TENM4: variants seen among roughly 807,000 people sequenced by gnomAD.
TENM4 encodes the protein teneurin-4.
Under a neutral mutation model 243.3 loss-of-function variants are expected in TENM4, and 82 were observed. That is an observed-to-expected ratio of 0.34 (90% CI 0.28 to 0.40). TENM4 has a LOEUF of 0.40. Ranked by LOEUF, TENM4 falls within the 10% of genes least tolerant of loss-of-function variation. TENM4 has a pLI of 1.00. For missense variants in TENM4, 3,138 were observed against 3,673.3 expected (o/e 0.85, Z 3.77); for synonymous variants, 1,412 against 1,456.3 (o/e 0.97, Z 0.69).
intron 4 of TENM4, among the ~76,000 whole-genome samples, chr11:79,078,157 C>T (rs1430620209): frequency 4.6e-5 from 7 of 152,172 alleles, no homozygotes; most frequent in Non-Finnish European, 8.8e-5. Context: ...CTGTTATCAC[C>T]CCGGGTTACC....
At chr11:79,210,975 C>A (rs759028956) in intron 3 of TENM4, among the ~76,000 whole-genome samples, 1 of 152,130 alleles carries the variant, frequency 6.6e-6, no homozygotes, top group Non-Finnish European at 1.5e-5. Context: ...AAAGCCCCAC[C>A]TCCTTGGCCT....
intron 4 of TENM4, among the ~76,000 whole-genome samples, chr11:79,114,140 C>T (rs1411461557): frequency 6.6e-6 from 1 of 152,178 alleles, no homozygotes; most frequent in African/African-American, 2.4e-5. Context: ...ACTCTATGAG[C>T]TCGTGTTCAG....
At chr11:78,754,783 T>C (rs1856267521) in intron 19 of TENM4, among the ~76,000 whole-genome samples, 1 of 152,180 alleles carries the variant, frequency 6.6e-6, no homozygotes, top group Non-Finnish European at 1.5e-5. Flanking sequence ...GCCTTGTGAA[T>C]TTGGGAAAGT....
chr11:79,083,816 A>G (rs1860738301), intron 4 of TENM4, among the ~76,000 whole-genome samples: 1 of 152,202 alleles, frequency 6.6e-6, no homozygotes, highest in South Asian at 2.1e-4. Flanking sequence ...TGATCAAAAA[A>G]GGAAAATTTG....
intron 6 of TENM4, among the ~76,000 whole-genome samples, chr11:78,905,313 T>C (rs1856038092): frequency 1.3e-5 from 2 of 152,330 alleles, no homozygotes; most frequent in South Asian, 2.1e-4. Context: ...TGGATTTTTT[T>C]AGTGTAAGAT....
At chr11:79,330,853 G>A (rs115662132) in intron 1 of TENM4, among the ~76,000 whole-genome samples, 11 of 152,292 alleles carry the variant, frequency 7.2e-5, no homozygotes, top group African/African-American at 2.6e-4. Context: ...TGGGGCCACC[G>A]CAGACAAGGC....
chr11:78,870,987 T>G (rs894022250), intron 9 of TENM4, among the ~76,000 whole-genome samples: 1 of 152,212 alleles, frequency 6.6e-6, no homozygotes, highest in Non-Finnish European at 1.5e-5. Flanking sequence ...CTCTTCCGTA[T>G]ATAACTAATT....
At chr11:78,800,383 C>A (rs183909286) in intron 15 of TENM4, among the ~76,000 whole-genome samples, 1 of 152,016 alleles carries the variant, frequency 6.6e-6, no homozygotes, top group Non-Finnish European at 1.5e-5. Context: ...GCTGGCACTG[C>A]GCATGAAACT....
At chr11:78,988,376 G>C (rs117561022) in intron 6 of TENM4, among the ~76,000 whole-genome samples, 2,818 of 152,350 alleles carry the variant, frequency 0.018, 37 homozygotes, top group Non-Finnish European at 0.026. Flanking sequence ...GCCTGTGGCT[G>C]CCTGTGGATT....
rs188566309 is a variant in TENM4 at position 79,010,732 on chromosome 11, C to A, written c.493+54006G>T. Among the ~76,000 whole-genome samples, 432 of 152,288 alleles carry A rather than the reference C, an allele frequency of 2.8e-3. 4 individuals are homozygous for A. The highest frequency in any genetic ancestry group is 0.01 in the African/African-American group (424 of 41,558). On this transcript the variant is annotated intron_variant, in intron 6 of 33. Coordinates refer to ENST00000278550, the MANE Select transcript of TENM4 (RefSeq NM_001098816.3). ...GCCCCCATGATTCAATTACCTCCCA[C>A]CATGTCCCTCCAACAACATGTGGGA... is the stretch of plus-strand genomic sequence containing the variant.
intron 6 of TENM4, among the ~76,000 whole-genome samples, chr11:79,021,983 C>A (rs1009451577): frequency 1.3e-5 from 2 of 152,088 alleles, no homozygotes; most frequent in African/African-American, 4.8e-5. Flanking sequence ...GCAGAGGATA[C>A]GCAGACAATT....
At chr11:78,776,554 C>T (rs1856743808) in intron 17 of TENM4, among the ~76,000 whole-genome samples, 1 of 152,210 alleles carries the variant, frequency 6.6e-6, no homozygotes, top group African/African-American at 2.4e-5. Context: ...TCCGGCCCAT[C>T]TTTGAACAGT....
chr11:79,312,671 C>T (rs576828276), intron 1 of TENM4, among the ~76,000 whole-genome samples: 26 of 152,158 alleles, frequency 1.7e-4, no homozygotes, highest in Non-Finnish European at 3.4e-4. Flanking sequence ...AGCCTCAGTG[C>T]CTAGCAAAGA....
At chr11:79,101,609 C>T (rs750494425) in intron 4 of TENM4, among the ~76,000 whole-genome samples, 4 of 152,124 alleles carry the variant, frequency 2.6e-5, no homozygotes, top group Non-Finnish European at 4.4e-5. Context: ...CCTTGTGTTA[C>T]GTGGGTAAAT....
At chr11:79,223,086 G>A (rs940848054) in intron 2 of TENM4, among the ~76,000 whole-genome samples, 2 of 151,960 alleles carry the variant, frequency 1.3e-5, no homozygotes, top group East Asian at 3.9e-4. Flanking sequence ...CATGGCACAC[G>A]TCTACCTGTG....
chr11:78,660,528 T>C (rs927283380), intron 33 of TENM4, among the ~76,000 whole-genome samples: 3 of 152,128 alleles, frequency 2.0e-5, no homozygotes, highest in Non-Finnish European at 2.9e-5. Flanking sequence ...TGGTAGGAGA[T>C]AGCTATGCTG....
At chr11:79,162,733 C>A (rs188734126) in intron 3 of TENM4, among the ~76,000 whole-genome samples, 1 of 152,156 alleles carries the variant, frequency 6.6e-6, no homozygotes, top group Non-Finnish European at 1.5e-5. Flanking sequence ...GTTGGGTTTG[C>A]GGGCTCACCC....
chr11:78,894,979 TAAAAAAAA>T (rs67819510), intron 7 of TENM4, among the ~76,000 whole-genome samples: 26 of 59,492 alleles, frequency 4.4e-4, no homozygotes, highest in Admixed American at 7.7e-4. Flanking sequence ...GACTCGGCCT[TAAAAAAAA>T]AAAAAAAAAA....
chr11:78,886,563 G>A (rs182933606), intron 9 of TENM4, among the ~76,000 whole-genome samples: 21 of 152,316 alleles, frequency 1.4e-4, no homozygotes, highest in Middle Eastern at 3.4e-3. Flanking sequence ...TATGGGTTGT[G>A]CCTATTTTCT....
Sources: gnomAD v4.1 joint callset for allele counts (sites outside exome capture counted in the v4.1 genomes callset) on GRCh38, gnomAD v4.1.1 for gene constraint, MANE v1.5 for transcripts, NCBI Gene and HGNC (gene_info 2026-07-23, HGNC 2026-07-21) for gene names.